Variants in SLC14A2 observed in about 807,000 individuals in gnomAD.
SLC14A2 encodes urea transporter 2.
SLC14A2 carries 91 observed loss-of-function variants against 104.6 expected under a neutral mutation model. The ratio of observed to expected loss-of-function variants is 0.87; its 90% CI spans 0.73 to 1.04. The LOEUF (loss-of-function observed/expected upper bound fraction) is 1.04, where lower values mean the gene tolerates loss of function less well. Ranked by LOEUF, SLC14A2 falls within the 50% of genes least tolerant of loss-of-function variation. The probability of loss-of-function intolerance (pLI) is 0.00; values close to 1 mark genes in which losing one functional copy is unlikely to be tolerated. For missense variants in SLC14A2, 1,189 were observed against 1,156.0 expected (o/e 1.03, Z -0.41); for synonymous variants, 476 against 466.4 (o/e 1.02, Z -0.27).
At position 45,527,527 on chromosome 18, in the gene SLC14A2, T is replaced by G. The variant is rs748940153; in HGVS notation, c.-35+44205T>G. 2.0e-5 allele frequency among the ~76,000 whole-genome samples: 3 copies of G among 152,202 alleles called. No homozygotes were observed. The South Asian group carries it at 6.2e-4, about 31-fold the overall frequency. ...CAACTTATGCCTTAACCTATTCAAC[T>G]TTTTGCAAAAAGAAAGACAACATTT... On this transcript the variant is annotated intron_variant, in intron 2 of 20. Transcript: ENST00000586448.
intron 2 of SLC14A2, among the ~76,000 whole-genome samples, chr18:45,558,429 G>A (rs1029108540): frequency 6.6e-6 from 1 of 152,232 alleles, no homozygotes; most frequent in Non-Finnish European, 1.5e-5. Context: ...GGAAATGAGA[G>A]AGGAATGGCA....
the SLC14A2 span, among the ~76,000 whole-genome samples, chr18:45,169,319 C>T: frequency 3.3e-5 from 5 of 152,164 alleles, no homozygotes; most frequent in Non-Finnish European, 5.9e-5. Context: ...TTTGTTGATG[C>T]TCTTTGGTGA....
intron 10 of SLC14A2, among the ~76,000 whole-genome samples, chr18:45,652,618 T>A (rs1428778194): frequency 1.3e-5 from 2 of 152,180 alleles, no homozygotes; most frequent in Non-Finnish European, 2.9e-5. Flanking sequence ...GTTGAAAACG[T>A]AGAATTGAAG....
chr18:45,228,230 A>G (rs1254144101), intron 1 of SLC14A2, among the ~76,000 whole-genome samples: 1 of 152,214 alleles, frequency 6.6e-6, no homozygotes, highest in African/African-American at 2.4e-5. Context: ...CAAGGAGGAA[A>G]TATTTAAGGT....
chr18:45,214,960 A>T (rs575794661), intron 1 of SLC14A2, among the ~76,000 whole-genome samples: 85 of 151,540 alleles, frequency 5.6e-4, no homozygotes, highest in Non-Finnish European at 1.0e-3. Context: ...GAAAAAAAAG[A>T]TACCTAATAG....
intron 2 of SLC14A2, among the ~76,000 whole-genome samples, chr18:45,558,494 G>T (rs530985187): frequency 2.0e-5 from 3 of 152,332 alleles, no homozygotes; most frequent in African/African-American, 7.2e-5. Flanking sequence ...TGTGTCCCAG[G>T]AGTGGAAGGG....
chr18:45,579,552 A>G (rs2044460233), intron 2 of SLC14A2, among the ~76,000 whole-genome samples: 1 of 152,218 alleles, frequency 6.6e-6, no homozygotes, highest in African/African-American at 2.4e-5. Context: ...AGAAATCTGC[A>G]TTTATGGTTC....
At chr18:45,362,476 G>C (rs1055154804) in intron 1 of SLC14A2, among the ~76,000 whole-genome samples, 1 of 152,094 alleles carries the variant, frequency 6.6e-6, no homozygotes, top group Admixed American at 6.5e-5. Flanking sequence ...AGGGCTATTC[G>C]CATCCAGCCC....
In SLC14A2 at chr18:45,399,424, G is replaced by A. The variant is rs948461627; in HGVS notation, c.-124-83809G>A. The stretch of plus-strand genomic sequence containing the variant: ...ACTGCCACACTTCTCTAAGAGGCAG[G>A]GTTTGAGTTTGTCTCCAGTTCTGAA... On this transcript the variant is annotated intron_variant, in intron 1 of 20. Coordinates refer to the SLC14A2 transcript ENST00000586448. Among the ~76,000 whole-genome samples, 3 of 152,116 alleles carry A rather than the reference G, an allele frequency of 2.0e-5. No homozygotes were observed. The South Asian group carries it at 6.2e-4, about 31-fold the overall frequency.
chr18:45,562,279 A>G (rs548985272), intron 2 of SLC14A2, among the ~76,000 whole-genome samples: 4 of 152,232 alleles, frequency 2.6e-5, no homozygotes, highest in Non-Finnish European at 5.9e-5. Flanking sequence ...TGCCCAGTCT[A>G]TACGTAATTA....
At chr18:45,484,462 G>A (rs2087558673) in intron 2 of SLC14A2, among the ~76,000 whole-genome samples, 2 of 152,176 alleles carry the variant, frequency 1.3e-5, no homozygotes, top group Non-Finnish European at 2.9e-5. Context: ...ACTTTTACTG[G>A]CATTCATATA....
Position 45,610,414 on chromosome 18 carries a change from TAC to T in SLC14A2, c.-34-14214_-34-14213del, listed in dbSNP as rs762790887. Among the ~76,000 whole-genome samples the T allele has an allele frequency of 3.2e-4, 48 of 152,180 alleles. 1 individual carries two copies. Among genetic ancestry groups the T allele is most frequent in the Non-Finnish European group, 1.5e-5 (1 of 68,036 alleles). On this transcript the variant is annotated intron_variant, in intron 2 of 20. Transcript: ENST00000586448. ...CTTTTAAAAATTCCAGTGCCCGGGTTACACCAATTAAGTCAGAATCTCTGGGG... is the reference window on the plus strand; with the variant it reads ...CTTTTAAAAATTCCAGTGCCCGGGTTACCAATTAAGTCAGAATCTCTGGGG...
chr18:45,596,589 C>A (rs1206463002), intron 2 of SLC14A2, among the ~76,000 whole-genome samples: 1 of 152,090 alleles, frequency 6.6e-6, no homozygotes, highest in Non-Finnish European at 1.5e-5. Context: ...GGCAGGTGTG[C>A]GTGTTCCCAT....
At chr18:45,236,266 CAT>C (rs1568114306) in intron 1 of SLC14A2, among the ~76,000 whole-genome samples, 1 of 26,526 alleles carries the variant, frequency 3.8e-5, no homozygotes, top group South Asian at 1.0e-3. Context: ...TGTATATATA[CAT>C]GTATGTGTGT....
chr18:45,391,697 T>C (rs959427141), intron 1 of SLC14A2, among the ~76,000 whole-genome samples: 3 of 152,230 alleles, frequency 2.0e-5, no homozygotes, highest in Non-Finnish European at 2.9e-5. Flanking sequence ...CATTTTTTCA[T>C]GTGTCTTTTG....
chr18:45,275,693 AGTTCT>A (rs1361180465), intron 1 of SLC14A2, among the ~76,000 whole-genome samples: 2 of 152,222 alleles, frequency 1.3e-5, no homozygotes, highest in East Asian at 1.9e-4. Context: ...CTATGCCTGC[AGTTCT>A]GTTCTCTACC....
In SLC14A2 at chr18:45,632,344, C is replaced by G. The variant is rs367671423; in HGVS notation, c.522-6C>G. On this transcript the variant is annotated splice_region_variant and splice_polypyrimidine_tract_variant and intron_variant, in intron 4 of 19. Coordinates refer to ENST00000255226, the MANE Select transcript of SLC14A2 (RefSeq NM_007163.4). ...CAAATGCAAAATCAGTCTGTTTCAC[C>G]GCCAGGTCTGCCATTGCCTCAGGAC... The G allele has an allele frequency of 1.7e-5, 28 of 1,609,952 alleles. No homozygotes were observed. The South Asian group carries it at 3.0e-4, about 17-fold the overall frequency.
At chr18:45,208,513 C>T (rs77339823), upstream of SLC14A2, among the ~76,000 whole-genome samples, 313 of 152,268 alleles carry the variant, frequency 2.1e-3, no homozygotes, top group Non-Finnish European at 3.1e-3. Context: ...TTGAGAAACA[C>T]ACCTGCACAT....
rs116263599 is a variant in SLC14A2 at position 45,223,804 on chromosome 18, A to G, written c.-125+10613A>G. Among the ~76,000 whole-genome samples, 415 of 152,340 alleles carry G rather than the reference A, an allele frequency of 2.7e-3. 4 individuals carry two copies. Among genetic ancestry groups the G allele is most frequent in the African/African-American group, 9.5e-3 (394 of 41,580 alleles). ...CTGAGGTGGGGCTTTGGAAACCCAG[A>G]GACCTTCAAGGCTCTAGACTCTTCT... On this transcript the variant is annotated intron_variant, in intron 1 of 20. Coordinates refer to the SLC14A2 transcript ENST00000586448.
Sources: allele counts gnomAD v4.1 joint callset (sites outside exome capture counted in the v4.1 genomes callset), GRCh38; gene constraint gnomAD v4.1.1; transcripts MANE v1.5; gene names NCBI Gene and HGNC (gene_info 2026-07-23, HGNC 2026-07-21).